The following ADGRB3 variants were observed in gnomAD, a reference collection of about 807,000 sequenced individuals.
ADGRB3 encodes the protein adhesion G protein-coupled receptor B3.
ADGRB3 carries 37 observed loss-of-function variants against 193.4 expected under a neutral mutation model. The observed-to-expected ratio is 0.19, with a 90% CI of 0.15 to 0.25. The LOEUF (loss-of-function observed/expected upper bound fraction) is 0.25. Among genes scored for constraint, ADGRB3 ranks in the 10% least tolerant of loss-of-function variants. ADGRB3 has a pLI of 1.00. For missense variants in ADGRB3, 1,637 were observed against 1,852.9 expected, an observed-to-expected ratio of 0.88 and a Z score of 2.14; for synonymous variants, 690 against 644.2, an observed-to-expected ratio of 1.07 and a Z score of -1.08.
chr6:69,333,370 G>T lies in ADGRB3; in HGVS notation c.3188+362G>T, dbSNP rs1217440176. ...CAGGAGGTAGATTGAACACAGTGTTGGTATGTGACAGAACAGAATCAGAAC... is the reference window on the plus strand; with the variant it reads ...CAGGAGGTAGATTGAACACAGTGTTTGTATGTGACAGAACAGAATCAGAAC... On this transcript the variant is annotated intron_variant, in intron 24 of 31. Coordinates refer to ENST00000370598, the MANE Select transcript of ADGRB3 (RefSeq NM_001704.3). 3.3e-5 allele frequency among the ~76,000 whole-genome samples: 5 copies of T among 152,084 alleles called. No individual in the cohort carries two copies. The East Asian group carries it at 7.7e-4, about 24-fold the overall frequency.
At chr6:69,008,479 C>T (rs1016676204) in intron 11 of ADGRB3, among the ~76,000 whole-genome samples, 2 of 151,926 alleles carry the variant, frequency 1.3e-5, no homozygotes, top group African/African-American at 2.4e-5. Flanking sequence ...CTAGTGATGC[C>T]CTTTCTTCAT....
intron 3 of ADGRB3, among the ~76,000 whole-genome samples, chr6:68,823,412 A>T (rs1335380262): frequency 2.0e-5 from 3 of 152,054 alleles, no homozygotes; most frequent in Non-Finnish European, 4.4e-5. Flanking sequence ...AGATAGATAC[A>T]TATATTGATT....
chr6:68,824,975 C>T, intron 3 of ADGRB3, among the ~76,000 whole-genome samples: 1 of 152,038 alleles, frequency 6.6e-6, no homozygotes, highest in East Asian at 1.9e-4. Context: ...CTGTGTCAGC[C>T]TCAGGAGTAG....
At chr6:68,795,051 A>G (rs1289943151) in intron 3 of ADGRB3, among the ~76,000 whole-genome samples, 4 of 152,108 alleles carry the variant, frequency 2.6e-5, no homozygotes, top group African/African-American at 7.2e-5. Flanking sequence ...CTAATGCCAT[A>G]TATACACAGG....
intron 17 of ADGRB3, among the ~76,000 whole-genome samples, chr6:69,138,208 C>T (rs1774211520): frequency 6.6e-6 from 1 of 152,210 alleles, no homozygotes; most frequent in African/African-American, 2.4e-5. Context: ...TGGAGACTAG[C>T]TGGCAGTCTC....
intron 3 of ADGRB3, among the ~76,000 whole-genome samples, chr6:68,815,638 T>TGTGTGTGTGGGTGG (rs146536913): frequency 0.042 from 6,238 of 149,458 alleles, 179 homozygotes; most frequent in Non-Finnish European, 0.059. Flanking sequence ...TGTGTGTGTG[T>TGTGTGTGTGGGTGG]GTGCATGTAG....
chr6:69,261,995 C>T (rs1441584475), intron 20 of ADGRB3, among the ~76,000 whole-genome samples: 1 of 151,938 alleles, frequency 6.6e-6, no homozygotes, highest in African/African-American at 2.4e-5. Context: ...CATGCTTTGC[C>T]TTTAATGAAT....
chr6:69,192,145 C>G (rs890338166), intron 17 of ADGRB3, among the ~76,000 whole-genome samples: 1 of 152,084 alleles, frequency 6.6e-6, no homozygotes, highest in East Asian at 1.9e-4. Flanking sequence ...AAGGTGAGGT[C>G]CCTCAATAGG....
chr6:69,184,350 G>A (rs1173615413), intron 17 of ADGRB3, among the ~76,000 whole-genome samples: 2 of 152,066 alleles, frequency 1.3e-5, no homozygotes, highest in Non-Finnish European at 2.9e-5. Context: ...AAACATGCAA[G>A]TGCAGTTTTT....
intron 3 of ADGRB3, among the ~76,000 whole-genome samples, chr6:68,699,668 A>G (rs1201633032): frequency 2.6e-5 from 4 of 151,838 alleles, no homozygotes; most frequent in African/African-American, 7.3e-5. Flanking sequence ...CAGAATACAA[A>G]TACCCAGAGC....
At chr6:69,286,989 G>T (rs1767565310) in intron 20 of ADGRB3, among the ~76,000 whole-genome samples, 2 of 152,134 alleles carry the variant, frequency 1.3e-5, no homozygotes, top group South Asian at 4.1e-4. Context: ...AAAGCATGAA[G>T]CTTTGTCCAC....
rs1263653178 is a variant in ADGRB3 at position 68,637,459 on chromosome 6, G to C, written c.-119G>C. The stretch of plus-strand genomic sequence containing the variant: ...TGGCATCACTTTTATCAGCTCAAAG[G>C]CTAAACAAACAAACAAAAGCAGTGT... On this transcript the variant is annotated 5_prime_UTR_variant, in exon 2 of 32. Coordinates refer to ENST00000370598, the MANE Select transcript of ADGRB3 (RefSeq NM_001704.3). 1 of 152,576 alleles carries C rather than the reference G, an allele frequency of 6.6e-6. No homozygotes were observed. The highest frequency in any genetic ancestry group is 1.5e-5 in the Non-Finnish European group (1 of 68,030). 9.5% of individuals were successfully genotyped at this position (152,576 alleles called of 1,614,324 possible). A position where few individuals can be genotyped will look rare whatever the true frequency, so the allele number is the denominator to read the frequency against.
chr6:68,749,061 G>A (rs1056187921), intron 3 of ADGRB3, among the ~76,000 whole-genome samples: 1 of 152,082 alleles, frequency 6.6e-6, no homozygotes, highest in African/African-American at 2.4e-5. Flanking sequence ...CACAGCACAG[G>A]GACCCTGGGC....
chr6:69,136,494 A>G (rs1337978950), intron 17 of ADGRB3, among the ~76,000 whole-genome samples: 1 of 152,130 alleles, frequency 6.6e-6, no homozygotes, highest in Admixed American at 6.6e-5. Context: ...ACTACACTGA[A>G]GAGTAATGAG....
intron 3 of ADGRB3, among the ~76,000 whole-genome samples, chr6:68,867,594 T>C (rs1197684379): frequency 6.6e-6 from 1 of 152,040 alleles, no homozygotes; most frequent in African/African-American, 2.4e-5. Flanking sequence ...GAATGGTAGG[T>C]CCACAGACAG....
At chr6:69,121,213 C>G (rs546252824) in intron 17 of ADGRB3, among the ~76,000 whole-genome samples, 48 of 152,126 alleles carry the variant, frequency 3.2e-4, no homozygotes, top group Admixed American at 7.8e-4. Context: ...TGACTCTTAA[C>G]GAGCATGCTG....
intron 20 of ADGRB3, among the ~76,000 whole-genome samples, chr6:69,304,813 A>G (rs1768030112): frequency 6.6e-6 from 1 of 151,498 alleles, no homozygotes; most frequent in South Asian, 2.1e-4. Flanking sequence ...TTTGTTTTCA[A>G]GGGAGGTACT....
At chr6:69,302,170 A>G (rs571875531) in intron 20 of ADGRB3, among the ~76,000 whole-genome samples, 2 of 152,070 alleles carry the variant, frequency 1.3e-5, no homozygotes, top group African/African-American at 4.8e-5. Flanking sequence ...ACAAAATGCC[A>G]TGAAGGATAT....
chr6:68,847,727 C>T lies in ADGRB3; in HGVS notation c.758-82832C>T, dbSNP rs906890695. Among the ~76,000 whole-genome samples, 12 of 152,172 alleles carry T rather than the reference C, an allele frequency of 7.9e-5. No homozygotes were observed. The East Asian group carries it at 9.6e-4, about 12-fold the overall frequency. On this transcript the variant is annotated intron_variant, in intron 3 of 31. Transcript: ENST00000370598. ...TATGTCTTTATCAGCGGCATAAAAA[C>T]GGACTAATACACTGTTAAAGAATAA... is the stretch of plus-strand genomic sequence containing the variant.
Sources: allele counts gnomAD v4.1 joint callset (sites outside exome capture counted in the v4.1 genomes callset), GRCh38; gene constraint gnomAD v4.1.1; transcripts MANE v1.5; gene names NCBI Gene and HGNC (gene_info 2026-07-23, HGNC 2026-07-21).